The following PCDHGB1 variants were observed in gnomAD, a reference collection of about 807,000 sequenced individuals.
The protein encoded by PCDHGB1 is protocadherin gamma-B1.
In PCDHGB1, 34 loss-of-function variants were observed where a neutral mutation model predicts 56.6. The ratio of observed to expected loss-of-function variants is 0.60; its 90% CI spans 0.46 to 0.80. The LOEUF (loss-of-function observed/expected upper bound fraction) is 0.80, where lower values mean the gene tolerates loss of function less well. PCDHGB1 is among the 30% of genes least tolerant of loss of function. PCDHGB1 has a pLI of 0.00. For missense variants in PCDHGB1, 1,278 were observed against 1,204.6 expected (o/e 1.06, Z -0.90); for synonymous variants, 561 against 505.9 (o/e 1.11, Z -1.46).
chr5:141,383,943 T>C (rs1229813206), intron 1 of PCDHGB1: 1 of 1,613,674 alleles, frequency 6.2e-7, no homozygotes, highest in Admixed American at 1.7e-5. Flanking sequence ...CAGAAGTGAC[T>C]ATGACGTCTT....
At chr5:141,383,069 G>C (rs370612007) in intron 1 of PCDHGB1, 5 of 1,613,768 alleles carry the variant, frequency 3.1e-6, no homozygotes, top group Non-Finnish European at 3.4e-6. Flanking sequence ...CTGGAGCCCC[G>C]GGAGCTGGCG....
Position 141,388,205 on chromosome 5 carries a change from G to T in PCDHGB1, c.2409+35536G>T, listed in dbSNP as rs2091277297. 6.3e-7 allele frequency: 1 copy of T among 1,578,264 alleles called. No homozygotes were observed. ...AGCCAGCTTGTGCTCTGGAATTTGA[G>T]GCTGTTGCTGAAAATCCACTGAACT... On this transcript the variant is annotated intron_variant, in intron 1 of 3. Transcript: ENST00000523390.
chr5:141,408,958 T>A, intron 1 of PCDHGB1: 8 of 1,613,670 alleles, frequency 5.0e-6, no homozygotes, highest in Non-Finnish European at 6.8e-6. Flanking sequence ...TTAGTCTTAG[T>A]GAAAATCTGC....
intron 1 of PCDHGB1, chr5:141,409,128 T>C (rs755394129): frequency 6.2e-6 from 10 of 1,613,976 alleles, no homozygotes; most frequent in South Asian, 1.1e-5. Flanking sequence ...TCATTTGATT[T>C]TGAAGATGTA....
At chr5:141,498,973 GA>G (rs1161965842) in intron 2 of PCDHGB1, among the ~76,000 whole-genome samples, 8 of 11,660 alleles carry the variant, frequency 6.9e-4, no homozygotes, top group Admixed American at 4.8e-3. Flanking sequence ...GGGAGGGAGG[GA>G]AGGAAGGAAG....
chr5:141,366,051 G>A, intron 1 of PCDHGB1: 1 of 1,614,244 alleles, frequency 6.2e-7, no homozygotes, highest in Non-Finnish European at 8.5e-7. Context: ...GGTTCCACGG[G>A]CGTGGAGCTG....
chr5:141,431,296 C>T lies in PCDHGB1; in HGVS notation c.2410-63511C>T, dbSNP rs2097358592. On this transcript the variant is annotated intron_variant, in intron 1 of 3. Transcript: ENST00000523390. The surrounding 1 kb of genome is among the most constrained non-coding windows in gnomAD (Gnocchi z 4.8). ...AGCTCAGCCCGAACACTCACTTCTC[C>T]CTCATCGTGCAAAATGGAGCCGACG... The T allele has an allele frequency of 1.9e-6, 3 of 1,614,018 alleles. No individual in the cohort carries two copies. Among genetic ancestry groups the T allele is most frequent in the Non-Finnish European group, 2.5e-6 (3 of 1,180,048 alleles).
chr5:141,421,901 G>A lies in PCDHGB1; in HGVS notation c.2409+69232G>A. ...GATGGAGGCGATCCCATCCGAAAGG[G>A]CGCAGTTCCCATTCGTGTGGTGGTC... is the stretch of plus-strand genomic sequence containing the variant. On this transcript the variant is annotated intron_variant, in intron 1 of 3. Coordinates refer to ENST00000523390, the MANE Select transcript of PCDHGB1 (RefSeq NM_018922.3). 1.9e-6 allele frequency: 3 copies of A among 1,613,724 alleles called. No individual in the cohort carries two copies. Among genetic ancestry groups the A allele is most frequent in the East Asian group, 2.2e-5 (1 of 44,880 alleles).
At chr5:141,360,128 G>A (rs1761430982) in intron 1 of PCDHGB1, 1 of 1,586,806 alleles carries the variant, frequency 6.3e-7, no homozygotes. Context: ...AGCAAAGGGA[G>A]CCAGAAGATG....
Position 141,490,644 on chromosome 5 carries a change from T to G in PCDHGB1, c.2410-4163T>G, listed in dbSNP as rs772742713. 1 of 1,614,188 alleles carries G rather than the reference T, an allele frequency of 6.2e-7. No individual in the cohort carries two copies. Among genetic ancestry groups the G allele is most frequent in the Non-Finnish European group, 8.5e-7 (1 of 1,180,016 alleles). The stretch of plus-strand genomic sequence containing the variant: ...CTGCTTACATCCTAGAAAACCGGCC[T>G]CCGGGCTCCCTTCTTTGCACTGTGG... On this transcript the variant is annotated intron_variant, in intron 1 of 3. Transcript: ENST00000523390. The surrounding 1 kb of genome is among the most constrained non-coding windows in gnomAD (Gnocchi z 5.4).
intron 1 of PCDHGB1, among the ~76,000 whole-genome samples, chr5:141,429,387 T>TAA (rs11410533): frequency 2.6e-5 from 4 of 151,334 alleles, no homozygotes; most frequent in African/African-American, 4.9e-5. Flanking sequence ...GTTTTTTTTT[T>TAA]AAAAAAAATT....
In PCDHGB1 at chr5:141,414,653, A is replaced by G. The variant is rs2095771118; in HGVS notation, c.2409+61984A>G. ...AGCAAAGAGAATGCCCAGATTATTT[A>G]CTCCCTGGCTGAAGACACCATCCAG... On this transcript the variant is annotated intron_variant, in intron 1 of 3. Coordinates refer to ENST00000523390, the MANE Select transcript of PCDHGB1 (RefSeq NM_018922.3). 6.2e-7 allele frequency: 1 copy of G among 1,613,644 alleles called. No homozygotes were observed.
chr5:141,450,491 G>C (rs1264524088), intron 1 of PCDHGB1, among the ~76,000 whole-genome samples: 1 of 151,896 alleles, frequency 6.6e-6, no homozygotes, highest in Non-Finnish European at 1.5e-5. Context: ...TTGTTTGTCT[G>C]TTTGTTTGTT....
At position 141,491,137 on chromosome 5, in the gene PCDHGB1, GC is replaced by G. The variant is rs1373404184; in HGVS notation, c.2410-3668del. ...CACTGGTGAGGTGCGCACAGCCCGG[GC>G]CTTACTGGAGGATGACTCTGACACC... On this transcript the variant is annotated intron_variant, in intron 1 of 3. Transcript: ENST00000523390. This position sits in a 1 kb window ranked among gnomAD's most constrained non-coding sequence, Gnocchi z 6.9. The G allele has an allele frequency of 1.2e-6, 2 of 1,614,156 alleles. No individual in the cohort carries two copies. Among genetic ancestry groups the G allele is most frequent in the Non-Finnish European group, 1.7e-6 (2 of 1,180,008 alleles).
At chr5:141,427,857 G>T (rs746661329) in intron 1 of PCDHGB1, 2 of 1,554,576 alleles carry the variant, frequency 1.3e-6, no homozygotes, top group Admixed American at 3.3e-5. Flanking sequence ...GCAGCTGTGC[G>T]CCTTCGAGCT....
At chr5:141,478,723 A>C in intron 1 of PCDHGB1, 16 of 1,543,220 alleles carry the variant, frequency 1.0e-5, no homozygotes, top group Non-Finnish European at 1.3e-5. Flanking sequence ...GTGGCCTGCC[A>C]GAGTGTGGTT....
intron 2 of PCDHGB1, among the ~76,000 whole-genome samples, chr5:141,497,984 C>G (rs2099780951): frequency 6.6e-6 from 1 of 152,194 alleles, no homozygotes; most frequent in South Asian, 2.1e-4. Flanking sequence ...TGGGAGGCCC[C>G]TGCCCTCAAG....
intron 1 of PCDHGB1, among the ~76,000 whole-genome samples, chr5:141,433,837 CAA>C (rs56191208): frequency 1.4e-4 from 16 of 111,664 alleles, no homozygotes; most frequent in Non-Finnish European, 1.2e-4. Context: ...AACTCTATCT[CAA>C]AAAAAAAAAA....
At chr5:141,388,353 G>A (rs1441506976) in intron 1 of PCDHGB1, 1 of 1,613,858 alleles carries the variant, frequency 6.2e-7, no homozygotes, top group Non-Finnish European at 8.5e-7. Flanking sequence ...ATTAGGATCT[G>A]CCCATGATGC....
Sources: gnomAD v4.1 joint callset for allele counts (sites outside exome capture counted in the v4.1 genomes callset) on GRCh38, gnomAD v4.1.1 for gene constraint, Gnocchi (gnomAD v3.1) non-coding constraint, MANE v1.5 for transcripts, NCBI Gene and HGNC (gene_info 2026-07-23, HGNC 2026-07-21) for gene names.